Variants in SUN1 observed in about 807,000 individuals in gnomAD.
SUN1 encodes the protein SUN domain-containing protein 1.
In SUN1, 61 loss-of-function variants were observed where a neutral mutation model predicts 103.2. The ratio of observed to expected loss-of-function variants is 0.59; its 90% confidence interval spans 0.48 to 0.73. The LOEUF (loss-of-function observed/expected upper bound fraction) is 0.73, where lower values mean the gene tolerates loss of function less well. Among genes scored for constraint, SUN1 ranks in the 30% least tolerant of loss-of-function variants. The pLI is 0.00. For missense variants in SUN1, 1,052 were observed against 1,034.6 expected (o/e 1.02, Z -0.23); for synonymous variants, 490 against 425.7 (o/e 1.15, Z -1.86).
intron 15 of SUN1, among the ~76,000 whole-genome samples, chr7:861,994 G>A (rs939067974): frequency 2.6e-5 from 4 of 152,230 alleles, no homozygotes; most frequent in Non-Finnish European, 5.9e-5. Flanking sequence ...TTGAAAATCA[G>A]CATCGCAGCT....
At chr7:838,460 T>C (rs1179030889) in intron 1 of SUN1, among the ~76,000 whole-genome samples, 1 of 152,144 alleles carries the variant, frequency 6.6e-6, no homozygotes, top group Non-Finnish European at 1.5e-5. Context: ...GGAAACACAC[T>C]CTGATGTGTT....
intron 10 of SUN1, among the ~76,000 whole-genome samples, 190 bp from the exon 11 acceptor site, chr7:854,730 A>C (rs531328031): frequency 8.5e-5 from 13 of 152,198 alleles, no homozygotes; most frequent in Non-Finnish European, 1.9e-4. Flanking sequence ...TATATAAATA[A>C]AGACCTCTGG....
intron 1 of SUN1, among the ~76,000 whole-genome samples, chr7:826,350 A>T (rs945121932): frequency 2.6e-5 from 4 of 152,104 alleles, no homozygotes; most frequent in Non-Finnish European, 4.4e-5. Context: ...TTGAGCGAGC[A>T]TGTGTGTCTG....
chr7:872,620 G>T (rs756578451), intron 18 of SUN1, 58 bp downstream of exon 18: 4 of 1,377,694 alleles, frequency 2.9e-6, no homozygotes, highest in Non-Finnish European at 4.0e-6. Context: ...TCTCGTGACA[G>T]CAGGGCCCAG....
At position 851,376 on chromosome 7, in the gene SUN1, C is replaced by T. The variant is rs1412803285; in HGVS notation, c.659-8C>T. 4 of 1,588,792 alleles carry T rather than the reference C, an allele frequency of 2.5e-6. No homozygotes were observed. The highest frequency in any genetic ancestry group is 3.4e-6 in the Non-Finnish European group (4 of 1,167,314). ...CTGTCTGAGGCCACACACGTCTTCCCTGCACAGGTTACTTCTTGCTGCAGA... is the reference window on the plus strand; with the variant it reads ...CTGTCTGAGGCCACACACGTCTTCCTTGCACAGGTTACTTCTTGCTGCAGA... On this transcript the variant is annotated splice_region_variant and splice_polypyrimidine_tract_variant and intron_variant, in intron 5 of 18. Coordinates refer to ENST00000401592, the MANE Select transcript of SUN1 (RefSeq NM_001130965.3).
chr7:856,538 G>A (rs182595835), intron 12 of SUN1, 137 bp downstream of exon 12: 19 of 904,584 alleles, frequency 2.1e-5, no homozygotes, highest in Admixed American at 8.4e-5. Flanking sequence ...GGTTCGTGCC[G>A]ACAGACACTC....
chr7:832,785 C>G (rs1347717871), intron 1 of SUN1, among the ~76,000 whole-genome samples, 184 bp downstream of exon 1: 1 of 152,110 alleles, frequency 6.6e-6, no homozygotes, highest in African/African-American at 2.4e-5. Flanking sequence ...TTAAGGTAAA[C>G]TGAATCTGTT....
intron 5 of SUN1, among the ~76,000 whole-genome samples, chr7:847,839 G>T (rs1427346210): frequency 7.2e-6 from 1 of 139,230 alleles, no homozygotes; most frequent in Non-Finnish European, 1.6e-5. Context: ...ACCCCGCAGC[G>T]CCGTGCGCCA....
At chr7:819,055 G>C (rs1226127425) in intron 1 of SUN1, among the ~76,000 whole-genome samples, 1 of 152,020 alleles carries the variant, frequency 6.6e-6, no homozygotes, top group Non-Finnish European at 1.5e-5. Flanking sequence ...TAGAGATGGG[G>C]TTTCTCCATG....
chr7:835,058 G>A (rs1277413021), intron 1 of SUN1, among the ~76,000 whole-genome samples: 2 of 152,160 alleles, frequency 1.3e-5, no homozygotes, highest in East Asian at 1.9e-4. Context: ...CCTGGGAGAC[G>A]GTGTGAGGCT....
intron 15 of SUN1, 32 bp from the exon 16 acceptor site, chr7:865,920 G>C (rs75694958): frequency 1.3e-6 from 2 of 1,587,176 alleles, no homozygotes; most frequent in African/African-American, 2.7e-5. Flanking sequence ...GGTGGAACTG[G>C]ACACTGAGAC....
Position 850,033 on chromosome 7 carries a change from G to A in SUN1, c.659-1351G>A, listed in dbSNP as rs779214223. 7.0e-6 allele frequency: 11 copies of A among 1,582,256 alleles called. No individual in the cohort carries two copies. The Admixed American group carries it at 1.2e-4, about 18-fold the overall frequency. ...CCTCTGGCACATCTGGGCATGTGCA[G>A]GTTGTCTCTCGCCCCGTCTCCGTCT... On this transcript the variant is annotated intron_variant, in intron 5 of 18. Coordinates refer to ENST00000401592, the MANE Select transcript of SUN1 (RefSeq NM_001130965.3).
chr7:841,951 C>G lies in SUN1; in HGVS notation c.272C>G (p.Thr91Arg). The G allele has an allele frequency of 6.2e-7, 1 of 1,613,810 alleles. No individual in the cohort carries two copies. Among genetic ancestry groups the G allele is most frequent in the South Asian group, 1.1e-5 (1 of 91,062 alleles). The change falls in exon 3 of 19, where the codon ACA becomes AGA. Residue 91 changes from threonine to arginine, a missense_variant. Coordinates refer to ENST00000401592, the MANE Select transcript of SUN1 (RefSeq NM_001130965.3). ...CTGTTTTTTTTTCTTCTTAGAACAACAAAACAGCGCAGAAGCACAAACAAA... is the reference window on the plus strand; with the variant it reads ...CTGTTTTTTTTTCTTCTTAGAACAAGAAAACAGCGCAGAAGCACAAACAAA... ...VSLKNRAART[T>R]KQRRSTNKSA...
At chr7:872,988 G>A (rs1182390607) in intron 18 of SUN1, among the ~76,000 whole-genome samples, 1 of 152,220 alleles carries the variant, frequency 6.6e-6, no homozygotes, top group Non-Finnish European at 1.5e-5. Context: ...TCAGGAGGCT[G>A]AGGCAGGAGA....
intron 12 of SUN1, among the ~76,000 whole-genome samples, chr7:857,010 A>G (rs573309992): frequency 6.6e-6 from 1 of 151,130 alleles, no homozygotes; most frequent in South Asian, 2.1e-4. Context: ...TTTGCTCCTC[A>G]CTCAGGGCGG....
intron 3 of SUN1, 137 bp downstream of exon 3, chr7:842,267 G>A: frequency 2.1e-6 from 2 of 962,374 alleles, no homozygotes; most frequent in South Asian, 1.7e-5. Context: ...TGGCCACATT[G>A]TGGGTTTGCT....
At chr7:872,660 A>G in intron 18 of SUN1, 98 bp downstream of exon 18, 1 of 914,796 alleles carries the variant, frequency 1.1e-6, no homozygotes, top group Non-Finnish European at 1.7e-6. Context: ...AAGCAGCGTG[A>G]GGACCATCCT....
chr7:864,385 T>TA (rs572403012), intron 15 of SUN1, among the ~76,000 whole-genome samples: 5 of 151,154 alleles, frequency 3.3e-5, no homozygotes, highest in South Asian at 2.1e-4. Context: ...CCGTCTCTAC[T>TA]AAAAAAATGC....
intron 1 of SUN1, among the ~76,000 whole-genome samples, chr7:836,797 A>G (rs912576474): frequency 1.3e-5 from 2 of 152,356 alleles, no homozygotes; most frequent in Non-Finnish European, 2.9e-5. Context: ...AGGTTGACAC[A>G]TGCAGGTAAC....
Sources: gnomAD v4.1 joint callset for allele counts (sites outside exome capture counted in the v4.1 genomes callset) on GRCh38, gnomAD v4.1.1 for gene constraint, MANE v1.5 for transcripts, NCBI Gene and HGNC (gene_info 2026-07-23, HGNC 2026-07-21) for gene names.